Variants in NRG3 observed in about 807,000 individuals in gnomAD.
The protein encoded by NRG3 is pro-neuregulin-3, membrane-bound isoform.
In NRG3, 31 loss-of-function variants were observed where a neutral mutation model predicts 66.9. That is an observed-to-expected ratio of 0.46 (90% CI 0.35 to 0.63). NRG3 has a LOEUF of 0.63. Ranked by LOEUF, NRG3 falls within the 20% of genes least tolerant of loss-of-function variation. NRG3 has a pLI of 0.00. For synonymous variants in NRG3, 393 were observed against 359.4 expected (o/e 1.09, Z -1.06); for missense variants, 910 against 878.9 (o/e 1.04, Z -0.45).
intron 1 of NRG3, among the ~76,000 whole-genome samples, chr10:82,178,835 A>G (rs979651048): frequency 1.3e-5 from 2 of 152,096 alleles, no homozygotes; most frequent in African/African-American, 4.8e-5. Flanking sequence ...TAGGTATTCC[A>G]ACCAGCAGTT....
chr10:82,913,418 T>C (rs1284536396), intron 4 of NRG3, among the ~76,000 whole-genome samples: 1 of 152,208 alleles, frequency 6.6e-6, no homozygotes, highest in Non-Finnish European at 1.5e-5. Context: ...TAAGTAGGTC[T>C]GAGTTTCTGA....
chr10:82,625,340 A>G (rs959519475), intron 2 of NRG3, among the ~76,000 whole-genome samples: 15 of 152,218 alleles, frequency 9.9e-5, no homozygotes, highest in African/African-American at 3.6e-4. Flanking sequence ...AACATCTGCA[A>G]CATAGAATAA....
chr10:82,462,536 G>C (rs77173629), intron 2 of NRG3, among the ~76,000 whole-genome samples: 9,828 of 152,204 alleles, frequency 0.065, 422 homozygotes, highest in Non-Finnish European at 0.097. Flanking sequence ...TGGGGCAGGA[G>C]CATCAGTGAT....
chr10:82,136,196 A>G (rs2069333515), intron 1 of NRG3, among the ~76,000 whole-genome samples: 1 of 152,120 alleles, frequency 6.6e-6, no homozygotes, highest in Non-Finnish European at 1.5e-5. Context: ...TTTCCCTCAA[A>G]CAAATGAGGT....
chr10:82,005,138 A>C (rs1218802285), intron 1 of NRG3, among the ~76,000 whole-genome samples: 1 of 152,226 alleles, frequency 6.6e-6, no homozygotes, highest in African/African-American at 2.4e-5. Flanking sequence ...TAAGTGATAC[A>C]CAAAGTGTTG....
At chr10:82,306,845 C>G (rs994634962) in intron 1 of NRG3, among the ~76,000 whole-genome samples, 2 of 148,650 alleles carry the variant, frequency 1.3e-5, no homozygotes, top group African/African-American at 5.0e-5. Context: ...GATTTTGAAT[C>G]TTCCCTTAGT....
intron 6 of NRG3, among the ~76,000 whole-genome samples, chr10:82,971,235 G>T (rs1166589874): frequency 1.3e-5 from 2 of 152,002 alleles, no homozygotes; most frequent in African/African-American, 2.4e-5. Context: ...CAAAATTGGG[G>T]ATGAAATTTC....
chr10:82,093,152 G>A (rs2066132539), intron 1 of NRG3, among the ~76,000 whole-genome samples: 1 of 152,160 alleles, frequency 6.6e-6, no homozygotes, highest in Non-Finnish European at 1.5e-5. Flanking sequence ...TGCACTCTGA[G>A]ATATTTACTG....
intron 1 of NRG3, among the ~76,000 whole-genome samples, chr10:82,350,030 C>T (rs10466145): frequency 0.11 from 16,857 of 152,170 alleles, 1,628 homozygotes; most frequent in East Asian, 0.26. Context: ...TCTTCTGCGT[C>T]GCTCACGCTG....
intron 2 of NRG3, among the ~76,000 whole-genome samples, chr10:82,582,862 T>C (rs562465288): frequency 6.6e-6 from 1 of 152,322 alleles, no homozygotes; most frequent in South Asian, 2.1e-4. Context: ...AGCTCCCTTT[T>C]TTAAATTAAC....
intron 2 of NRG3, among the ~76,000 whole-genome samples, chr10:82,552,453 T>G (rs1384129512): frequency 1.3e-5 from 2 of 152,208 alleles, no homozygotes; most frequent in Non-Finnish European, 2.9e-5. Context: ...GATGATATTT[T>G]CTATTTAAAA....
chr10:82,767,252 A>G (rs891814979), intron 3 of NRG3, among the ~76,000 whole-genome samples: 1 of 151,844 alleles, frequency 6.6e-6, no homozygotes, highest in Non-Finnish European at 1.5e-5. Context: ...TACCTTCTCA[A>G]TCTGCTGCCT....
At chr10:82,213,859 G>T (rs921207379) in intron 1 of NRG3, among the ~76,000 whole-genome samples, 2 of 152,106 alleles carry the variant, frequency 1.3e-5, no homozygotes, top group African/African-American at 4.8e-5. Context: ...TTATATAATA[G>T]GAATCTGGAG....
chr10:82,307,953 G>A (rs1208307465), intron 1 of NRG3, among the ~76,000 whole-genome samples: 1 of 151,222 alleles, frequency 6.6e-6, no homozygotes, highest in Non-Finnish European at 1.5e-5. Flanking sequence ...CTAAACATTT[G>A]GATACTTTTG....
intron 1 of NRG3, among the ~76,000 whole-genome samples, chr10:81,895,597 T>G (rs1267435711): frequency 1.3e-5 from 2 of 152,212 alleles, no homozygotes; most frequent in Non-Finnish European, 2.9e-5. Flanking sequence ...CTTTTGATCA[T>G]AGTTATACTC....
At position 82,189,562 on chromosome 10, in the gene NRG3, C is replaced by A. The variant is rs185326262; in HGVS notation, c.824-169177C>A. Among the ~76,000 whole-genome samples, 950 of 152,028 alleles carry A rather than the reference C, an allele frequency of 6.2e-3. 6 individuals are homozygous for A. The highest frequency in any genetic ancestry group is 7.1e-3 in the Non-Finnish European group (482 of 67,974). Reference sequence around the variant, plus strand: ...ATCCCAGCACTTTGGGAGGCCAATGCGGGCAGATCACGAGGTTAGGAGTTC... The same window carrying A: ...ATCCCAGCACTTTGGGAGGCCAATGAGGGCAGATCACGAGGTTAGGAGTTC... On this transcript the variant is annotated intron_variant, in intron 1 of 8. Coordinates refer to ENST00000372141, the MANE Select transcript of NRG3 (RefSeq NM_001010848.4).
chr10:82,661,006 A>G (rs889289223), intron 2 of NRG3, among the ~76,000 whole-genome samples: 2 of 152,220 alleles, frequency 1.3e-5, no homozygotes, highest in African/African-American at 2.4e-5. Context: ...TAATCTGTAT[A>G]TAGTGAAAAT....
intron 3 of NRG3, among the ~76,000 whole-genome samples, chr10:82,790,206 T>C (rs2135364089): frequency 6.6e-6 from 1 of 152,278 alleles, no homozygotes; most frequent in Admixed American, 6.5e-5. Flanking sequence ...CATGTGAACT[T>C]AGGGTACTGT....
At chr10:82,315,001 T>C (rs1041511562) in intron 1 of NRG3, among the ~76,000 whole-genome samples, 4 of 152,174 alleles carry the variant, frequency 2.6e-5, no homozygotes, top group Admixed American at 2.6e-4. Context: ...TGAATGTATA[T>C]GTGTGTGTCT....
Sources: allele counts gnomAD v4.1 joint callset (sites outside exome capture counted in the v4.1 genomes callset), GRCh38; gene constraint gnomAD v4.1.1; transcripts MANE v1.5; gene names NCBI Gene and HGNC (gene_info 2026-07-23, HGNC 2026-07-21).